NPM1: variants seen among roughly 807,000 people sequenced by gnomAD.
NPM1 encodes nucleophosmin.
NPM1 carries 1 observed loss-of-function variant against 44.1 expected under a neutral mutation model. That is an observed-to-expected ratio of 0.02 (90% CI 0.01 to 0.11). The LOEUF is 0.11. NPM1 is among the 10% of genes least tolerant of loss of function. NPM1 has a pLI of 1.00. For synonymous variants in NPM1, 126 were observed against 111.8 expected, an observed-to-expected ratio of 1.13 and a Z score of -0.80; for missense variants, 197 against 347.8, an observed-to-expected ratio of 0.57 and a Z score of 3.45.
chr5:171,400,865 T>C lies in NPM1; in HGVS notation c.609T>C (p.Asn203=), dbSNP rs1771160452. Residue 203 remains asparagine, a synonymous_variant, in exon 8 of 11, where the codon AAT becomes AAC. Transcript: ENST00000296930. ...CTATACGAGATACTCCAGCCAAAAA[T>C]GCACAAAAGTCAAATCAGAATGGAA... ...KKSIRDTPAK[N]AQKSNQNGKD... The C allele has an allele frequency of 6.2e-7, 1 of 1,610,284 alleles. No individual in the cohort carries two copies. Among genetic ancestry groups the C allele is most frequent in the Non-Finnish European group, 8.5e-7 (1 of 1,178,718 alleles).
chr5:171,393,087 T>C (rs2113184234), intron 6 of NPM1, 109 bp downstream of exon 6: 1 of 1,382,160 alleles, frequency 7.2e-7, no homozygotes, highest in Non-Finnish European at 9.8e-7. Context: ...CAAAAAGCCA[T>C]CCTATGTAAT....
intron 6 of NPM1, among the ~76,000 whole-genome samples, chr5:171,399,181 A>C (rs1771064942): frequency 6.6e-6 from 1 of 152,078 alleles, no homozygotes; most frequent in Non-Finnish European, 1.5e-5. Context: ...TGATTTTTTG[A>C]AATCAAGTGT....
At chr5:171,390,295 C>G (rs1164572981) in intron 2 of NPM1, 165 bp downstream of exon 2, 1 of 476,702 alleles carries the variant, frequency 2.1e-6, no homozygotes, top group Non-Finnish European at 3.7e-6. Context: ...CTTTGAAGAA[C>G]TTGGCATCTA....
At chr5:171,400,318 C>CTCATACTGAGGGAGATCATA in intron 7 of NPM1, 108 bp downstream of exon 7, 2 of 1,259,736 alleles carry the variant, frequency 1.6e-6, no homozygotes, top group Non-Finnish European at 2.2e-6. Flanking sequence ...GGGAGATCAT[C>CTCATACTGAGGGAGATCATA]TCATACTGAA....
intron 6 of NPM1, among the ~76,000 whole-genome samples, chr5:171,393,495 T>G (rs1770704507): frequency 6.6e-6 from 1 of 152,242 alleles, no homozygotes. Flanking sequence ...TAAAATATGG[T>G]TGGAAACAAT....
intron 1 of NPM1, 124 bp downstream of exon 1, chr5:171,388,130 G>A: frequency 1.1e-6 from 1 of 884,164 alleles, no homozygotes; most frequent in Non-Finnish European, 1.8e-6. Flanking sequence ...CGGGAGGCCT[G>A]AGCGGGTGGG....
intron 4 of NPM1, 131 bp from the exon 5 acceptor site, chr5:171,392,579 A>G: frequency 1.8e-6 from 1 of 554,142 alleles, no homozygotes; most frequent in Non-Finnish European, 2.9e-6. Flanking sequence ...TCCTTTTCCC[A>G]TGTGCTCTTT....
chr5:171,394,631 GT>G (rs1251327025), intron 6 of NPM1, among the ~76,000 whole-genome samples: 10 of 152,230 alleles, frequency 6.6e-5, no homozygotes, highest in Non-Finnish European at 1.3e-4. Flanking sequence ...AATATTTCTC[GT>G]TAGTAAGAAT....
upstream of NPM1, chr5:171,387,838 G>A (rs1770309948): frequency 4.0e-6 from 4 of 999,786 alleles, no homozygotes; most frequent in African/African-American, 1.6e-5. Flanking sequence ...TAAGCGCGGG[G>A]AGCCTGCGTC....
chr5:171,392,627 T>TTA lies in NPM1; in HGVS notation c.353-82_353-81dup, dbSNP rs1488567328. The TTA allele has an allele frequency of 1.4e-5, 11 of 795,252 alleles. No individual in the cohort carries two copies. In the Admixed American group the frequency reaches 3.5e-4, roughly 25 times the overall value. The allele number at this position is 795,252 out of a possible 1,614,324, so 49.3% of individuals were successfully genotyped here. On this transcript the variant is annotated intron_variant, in intron 4 of 10. Transcript: ENST00000296930. ...TTAAATAGAATAGAAGTCTCAGTTT[T>TTA]TAGAGTATTTACTATCAGTGTTCTT... is the stretch of plus-strand genomic sequence containing the variant.
upstream of NPM1, chr5:171,387,744 A>G (rs1770296521): frequency 5.1e-6 from 3 of 591,724 alleles, no homozygotes; most frequent in East Asian, 2.9e-5. Flanking sequence ...CAGGACGGCT[A>G]CGGTACGGGG....
At chr5:171,410,338 CTGAT>C (rs1176934249) in intron 10 of NPM1, among the ~76,000 whole-genome samples, 185 bp from the exon 11 acceptor site, 5 of 152,222 alleles carry the variant, frequency 3.3e-5, no homozygotes, top group African/African-American at 1.2e-4. Flanking sequence ...ATTTTTATGA[CTGAT>C]TAAAGTGTTT....
intron 6 of NPM1, among the ~76,000 whole-genome samples, chr5:171,397,578 A>T (rs1328899206): frequency 6.8e-6 from 1 of 146,848 alleles, no homozygotes; most frequent in Non-Finnish European, 1.5e-5. Context: ...CTTTGGAGAA[A>T]TGTTTTTGCC....
intron 1 of NPM1, among the ~76,000 whole-genome samples, chr5:171,389,301 G>A (rs1770446751): frequency 6.6e-6 from 1 of 152,164 alleles, no homozygotes; most frequent in Non-Finnish European, 1.5e-5. Flanking sequence ...TATATGTATT[G>A]GTAACGGTTA....
chr5:171,394,526 C>T (rs914148753), intron 6 of NPM1, among the ~76,000 whole-genome samples: 1 of 152,128 alleles, frequency 6.6e-6, no homozygotes, highest in East Asian at 1.9e-4. Flanking sequence ...GGACTTGAAT[C>T]TCTGGGCACA....
At chr5:171,401,012 T>G in intron 8 of NPM1, 87 bp downstream of exon 8, 2 of 938,254 alleles carry the variant, frequency 2.1e-6, no homozygotes, top group Non-Finnish European at 3.5e-6. Flanking sequence ...GTCTGAAATT[T>G]GATAGGCCTT....
intron 8 of NPM1, among the ~76,000 whole-genome samples, chr5:171,403,732 G>A (rs1771387101): frequency 1.4e-5 from 2 of 143,492 alleles, no homozygotes; most frequent in African/African-American, 5.1e-5. Context: ...GGCCGGGCGG[G>A]GGGCTGACCC....
At chr5:171,400,455 C>T (rs1771135270) in intron 7 of NPM1, among the ~76,000 whole-genome samples, 1 of 141,704 alleles carries the variant, frequency 7.1e-6, no homozygotes, top group Admixed American at 7.4e-5. Context: ...GCTGCTTTTT[C>T]CTTCCTTTTT....
chr5:171,396,919 G>A (rs1456636108), intron 6 of NPM1, among the ~76,000 whole-genome samples: 2 of 152,096 alleles, frequency 1.3e-5, no homozygotes, highest in African/African-American at 4.8e-5. Context: ...GTTGCAGTGA[G>A]CCGAGATCGC....
Sources: gnomAD v4.1 joint callset for allele counts (sites outside exome capture counted in the v4.1 genomes callset) on GRCh38, gnomAD v4.1.1 for gene constraint, MANE v1.5 for transcripts, NCBI Gene and HGNC (gene_info 2026-07-23, HGNC 2026-07-21) for gene names.